SMYD3: variants seen among roughly 807,000 people sequenced by gnomAD.
SMYD3 encodes SET and MYND domain containing 3.
Under a neutral mutation model 57.7 loss-of-function variants are expected in SMYD3, and 36 were observed. The ratio of observed to expected loss-of-function variants is 0.62; its 90% CI spans 0.48 to 0.82. The LOEUF (loss-of-function observed/expected upper bound fraction) is 0.82. Ranked by LOEUF, SMYD3 falls within the 40% of genes least tolerant of loss-of-function variation. SMYD3 has a pLI of 0.00. For missense variants in SMYD3, 515 were observed against 538.8 expected, an observed-to-expected ratio of 0.96 and a Z score of 0.44; for synonymous variants, 211 against 195.0, an observed-to-expected ratio of 1.08 and a Z score of -0.68.
chr1:246,301,920 T>C (rs2064897368), intron 5 of SMYD3, among the ~76,000 whole-genome samples: 1 of 152,188 alleles, frequency 6.6e-6, no homozygotes, highest in South Asian at 2.1e-4. Flanking sequence ...ACTATTTCTG[T>C]CATCTAGCAC....
intron 1 of SMYD3, among the ~76,000 whole-genome samples, chr1:246,487,554 G>A (rs910183730): frequency 6.6e-6 from 1 of 152,012 alleles, no homozygotes; most frequent in African/African-American, 2.4e-5. Flanking sequence ...AAACAACCAG[G>A]AGACAATCAA....
intron 5 of SMYD3, among the ~76,000 whole-genome samples, chr1:246,030,604 G>A (rs1176577798): frequency 2.0e-5 from 3 of 152,066 alleles, no homozygotes; most frequent in African/African-American, 7.2e-5. Context: ...ATGGTATAGT[G>A]ATCACTCTGA....
intron 5 of SMYD3, among the ~76,000 whole-genome samples, chr1:246,110,766 G>A (rs7525368): frequency 0.027 from 4,120 of 152,304 alleles, 180 homozygotes; most frequent in African/African-American, 0.093. Flanking sequence ...GGAGTTGCGC[G>A]CCTGCGCTAC....
intron 5 of SMYD3, among the ~76,000 whole-genome samples, chr1:246,250,927 A>G (rs1258551521): frequency 1.3e-5 from 2 of 152,228 alleles, no homozygotes; most frequent in African/African-American, 4.8e-5. Flanking sequence ...AATCCTATGC[A>G]TAAGTTTGGC....
chr1:245,844,293 G>A (rs781506733), intron 10 of SMYD3, among the ~76,000 whole-genome samples: 6 of 152,206 alleles, frequency 3.9e-5, no homozygotes, highest in Non-Finnish European at 8.8e-5. Flanking sequence ...CTGTCTAGAC[G>A]GGGTGATGGA....
intron 8 of SMYD3, among the ~76,000 whole-genome samples, chr1:245,907,506 TGC>T (rs2054653659): frequency 6.6e-6 from 1 of 152,140 alleles, no homozygotes; most frequent in Non-Finnish European, 1.5e-5. Context: ...GGACAATATT[TGC>T]CATCATGAAA....
intron 1 of SMYD3, among the ~76,000 whole-genome samples, chr1:246,369,420 T>C (rs2066158148): frequency 6.6e-6 from 1 of 152,234 alleles, no homozygotes. Flanking sequence ...AAAATTGAAG[T>C]GATTACACCC....
intron 1 of SMYD3, among the ~76,000 whole-genome samples, chr1:246,396,961 A>G (rs1440775530): frequency 6.6e-6 from 1 of 152,216 alleles, no homozygotes; most frequent in Non-Finnish European, 1.5e-5. Context: ...AACAATATTT[A>G]TTTACCAAGC....
chr1:245,831,437 G>C (rs2049828756), intron 10 of SMYD3, among the ~76,000 whole-genome samples: 2 of 152,152 alleles, frequency 1.3e-5, no homozygotes, highest in South Asian at 2.1e-4. Context: ...CCAGGTACCT[G>C]GGTAACTTTC....
intron 10 of SMYD3, among the ~76,000 whole-genome samples, chr1:245,796,378 T>C (rs2047521724): frequency 6.6e-6 from 1 of 152,160 alleles, no homozygotes; most frequent in Non-Finnish European, 1.5e-5. Flanking sequence ...ACTGATTTCT[T>C]GTAACCCTGT....
chr1:246,085,446 A>T (rs1030042864), intron 5 of SMYD3, among the ~76,000 whole-genome samples: 1 of 152,126 alleles, frequency 6.6e-6, no homozygotes, highest in African/African-American at 2.4e-5. Context: ...AGGTTATAAA[A>T]TCTTTCCTAC....
At chr1:246,218,530 A>C (rs999494127) in intron 5 of SMYD3, among the ~76,000 whole-genome samples, 2 of 151,976 alleles carry the variant, frequency 1.3e-5, no homozygotes, top group Non-Finnish European at 2.9e-5. Context: ...CTGAGGCAGG[A>C]GAATGGCCTG....
chr1:246,146,651 G>A (rs2061847696), intron 5 of SMYD3, among the ~76,000 whole-genome samples: 1 of 152,192 alleles, frequency 6.6e-6, no homozygotes, highest in Non-Finnish European at 1.5e-5. Context: ...GTGAAGCGGA[G>A]TGTGGAGAAC....
intron 8 of SMYD3, among the ~76,000 whole-genome samples, chr1:245,867,099 G>A (rs564034388): frequency 6.6e-6 from 1 of 152,228 alleles, no homozygotes; most frequent in Non-Finnish European, 1.5e-5. Flanking sequence ...CTAATCAGCT[G>A]ACCTTAAAAT....
At chr1:245,948,684 T>C (rs1201537867) in intron 5 of SMYD3, among the ~76,000 whole-genome samples, 2 of 152,160 alleles carry the variant, frequency 1.3e-5, no homozygotes, top group South Asian at 4.1e-4. Flanking sequence ...TGGAGCCCCA[T>C]TGATATCCTC....
rs917980740 is a variant in SMYD3 at position 246,355,354 on chromosome 1, GGACA to G, written c.165-264_165-261del. The G allele has an allele frequency of 4.4e-6, 2 of 458,734 alleles. No homozygotes were observed. Among genetic ancestry groups the G allele is most frequent in the Admixed American group, 3.7e-5 (1 of 26,812 alleles). The allele number at this position is 458,734 out of a possible 1,614,324, so 28.4% of individuals were successfully genotyped here. A position where few individuals can be genotyped will look rare whatever the true frequency, so the allele number is the denominator to read the frequency against. On this transcript the variant is annotated intron_variant, in intron 1 of 11. Coordinates refer to ENST00000490107, the MANE Select transcript of SMYD3 (RefSeq NM_001167740.2). The surrounding 1 kb of genome is among the most constrained non-coding windows in gnomAD (Gnocchi z 5.0). ...CAGGACCAGCTTGCAGCTCCCGATCGGACAGACAGAGCAGCGTGTGGGGACTCAC... is the reference window on the plus strand; with the variant it reads ...CAGGACCAGCTTGCAGCTCCCGATCGGACAGAGCAGCGTGTGGGGACTCAC...
chr1:245,876,141 T>G (rs930645668), intron 8 of SMYD3, among the ~76,000 whole-genome samples: 1 of 152,130 alleles, frequency 6.6e-6, no homozygotes, highest in South Asian at 2.1e-4. Context: ...CATGCCCACA[T>G]ACACACACAT....
intron 5 of SMYD3, among the ~76,000 whole-genome samples, chr1:246,239,647 A>G (rs2063572311): frequency 6.6e-6 from 1 of 152,298 alleles, no homozygotes; most frequent in South Asian, 2.1e-4. Context: ...CTAGTTCTAG[A>G]TCCTTGAGGA....
chr1:246,224,429 T>C (rs2063299691), intron 5 of SMYD3, among the ~76,000 whole-genome samples: 1 of 152,034 alleles, frequency 6.6e-6, no homozygotes, highest in African/African-American at 2.4e-5. Flanking sequence ...CAAGGGGATG[T>C]ATCCAAAGTA....
Sources: gnomAD v4.1 joint callset for allele counts (sites outside exome capture counted in the v4.1 genomes callset) on GRCh38, gnomAD v4.1.1 for gene constraint, Gnocchi (gnomAD v3.1) non-coding constraint, MANE v1.5 for transcripts, NCBI Gene and HGNC (gene_info 2026-07-23, HGNC 2026-07-21) for gene names.